NRG3: variants seen among roughly 807,000 people sequenced by gnomAD.
NRG3 encodes the protein neuregulin 3, also known as pro-neuregulin-3, membrane-bound isoform.
A neutral mutation model predicts 66.9 loss-of-function variants in NRG3; 31 were observed. That is an observed-to-expected ratio of 0.46 (90% CI 0.35 to 0.63). The LOEUF (loss-of-function observed/expected upper bound fraction) is 0.63. Ranked by LOEUF, NRG3 falls within the 20% of genes least tolerant of loss-of-function variation. The pLI is 0.00. For missense variants in NRG3, 910 were observed against 878.9 expected, an observed-to-expected ratio of 1.04 and a Z score of -0.45; for synonymous variants, 393 against 359.4, an observed-to-expected ratio of 1.09 and a Z score of -1.06.
chr10:82,876,235 T>A (rs1841807772), intron 4 of NRG3, among the ~76,000 whole-genome samples: 1 of 151,850 alleles, frequency 6.6e-6, no homozygotes, highest in Non-Finnish European at 1.5e-5. Flanking sequence ...GTTAAATAAC[T>A]AGATTGGAAG....
chr10:82,173,811 A>G (rs1337555333), intron 1 of NRG3, among the ~76,000 whole-genome samples: 1 of 152,028 alleles, frequency 6.6e-6, no homozygotes, highest in Non-Finnish European at 1.5e-5. Flanking sequence ...AGACTCAGAA[A>G]CATAGACCCT....
At chr10:82,209,134 A>G (rs945784491) in intron 1 of NRG3, among the ~76,000 whole-genome samples, 6 of 152,198 alleles carry the variant, frequency 3.9e-5, no homozygotes, top group Non-Finnish European at 8.8e-5. Context: ...TACAAGTTGA[A>G]CATTGTAGCA....
intron 4 of NRG3, among the ~76,000 whole-genome samples, chr10:82,909,228 A>T (rs1845078585): frequency 6.6e-6 from 1 of 152,224 alleles, no homozygotes; most frequent in African/African-American, 2.4e-5. Flanking sequence ...TATTTCTGTC[A>T]CAATTATTAC....
chr10:81,985,900 A>G (rs1287730411), intron 1 of NRG3, among the ~76,000 whole-genome samples: 1 of 152,216 alleles, frequency 6.6e-6, no homozygotes, highest in Non-Finnish European at 1.5e-5. Context: ...ATTTGCATAA[A>G]TCTGTATCAG....
chr10:82,163,455 C>T (rs564475280), intron 1 of NRG3, among the ~76,000 whole-genome samples: 1 of 152,252 alleles, frequency 6.6e-6, no homozygotes, highest in South Asian at 2.1e-4. Context: ...ATACCAACTA[C>T]AATATTGTAA....
intron 1 of NRG3, among the ~76,000 whole-genome samples, chr10:82,308,515 A>T (rs1298134581): frequency 1.3e-5 from 2 of 152,048 alleles, no homozygotes; most frequent in East Asian, 3.9e-4. Flanking sequence ...GAATATGCAG[A>T]TTGGAATTGT....
At chr10:82,403,158 T>C (rs1233194542) in intron 2 of NRG3, among the ~76,000 whole-genome samples, 3 of 152,232 alleles carry the variant, frequency 2.0e-5, no homozygotes, top group East Asian at 3.9e-4. Context: ...CAGAGGAGCT[T>C]CCATGGGACT....
chr10:82,393,896 T>G (rs2086549355), intron 2 of NRG3, among the ~76,000 whole-genome samples: 1 of 152,206 alleles, frequency 6.6e-6, no homozygotes, highest in Non-Finnish European at 1.5e-5. Context: ...TTTATTCCCT[T>G]TATTGTATGC....
intron 1 of NRG3, 116 bp from the exon 2 acceptor site, chr10:82,358,623 C>A: frequency 1.4e-6 from 2 of 1,420,028 alleles, no homozygotes; most frequent in Non-Finnish European, 9.7e-7. Flanking sequence ...TGTCTAGAGT[C>A]CCAGAGGTCA....
chr10:82,643,475 A>G (rs1052551029), intron 2 of NRG3, among the ~76,000 whole-genome samples: 12 of 152,012 alleles, frequency 7.9e-5, no homozygotes, highest in Admixed American at 3.3e-4. Flanking sequence ...AGGCTCGGGT[A>G]TGTATTTATC....
At chr10:82,276,184 C>A (rs556707354) in intron 1 of NRG3, among the ~76,000 whole-genome samples, 2 of 152,012 alleles carry the variant, frequency 1.3e-5, no homozygotes, top group East Asian at 1.9e-4. Context: ...GAGTAATTGT[C>A]CTGAATTCCT....
At chr10:82,129,728 T>A (rs1444485464) in intron 1 of NRG3, among the ~76,000 whole-genome samples, 2 of 151,926 alleles carry the variant, frequency 1.3e-5, no homozygotes, top group Non-Finnish European at 2.9e-5. Flanking sequence ...GCCCGGCTAA[T>A]TTTTGTATTT....
At chr10:82,866,936 A>T (rs919919369) in intron 4 of NRG3, among the ~76,000 whole-genome samples, 5 of 152,176 alleles carry the variant, frequency 3.3e-5, no homozygotes, top group Non-Finnish European at 7.4e-5. Context: ...TGTCTAATGG[A>T]TATTCCAGTT....
chr10:82,426,266 G>A (rs372240694), intron 2 of NRG3, among the ~76,000 whole-genome samples: 6 of 152,070 alleles, frequency 3.9e-5, no homozygotes, highest in East Asian at 1.9e-4. Context: ...GAGGGCTCCC[G>A]CTAAAGCTGG....
intron 1 of NRG3, among the ~76,000 whole-genome samples, chr10:81,928,427 A>C (rs905679154): frequency 1.3e-5 from 2 of 152,236 alleles, no homozygotes; most frequent in African/African-American, 4.8e-5. Context: ...TTGGGTCTTA[A>C]AAACCTCAAA....
intron 1 of NRG3, among the ~76,000 whole-genome samples, chr10:82,070,350 A>G (rs950071361): frequency 6.6e-6 from 1 of 152,180 alleles, no homozygotes; most frequent in African/African-American, 2.4e-5. Context: ...GAGGAGGGAA[A>G]GAAGATATTT....
At chr10:82,584,541 T>C (rs563115547) in intron 2 of NRG3, among the ~76,000 whole-genome samples, 13 of 152,322 alleles carry the variant, frequency 8.5e-5, no homozygotes, top group African/African-American at 2.9e-4. Context: ...AGTAAAACCT[T>C]ACTTTGAAAA....
intron 4 of NRG3, among the ~76,000 whole-genome samples, chr10:82,869,462 T>C (rs557834304): frequency 6.6e-6 from 1 of 152,288 alleles, no homozygotes; most frequent in Non-Finnish European, 1.5e-5. Flanking sequence ...CATATTATGA[T>C]ATGTATCCAT....
At chr10:82,098,054 T>TATACACACAC (rs757078526) in intron 1 of NRG3, among the ~76,000 whole-genome samples, 25 of 146,798 alleles carry the variant, frequency 1.7e-4, no homozygotes, top group African/African-American at 5.8e-4. Flanking sequence ...GCCACATATA[T>TATACACACAC]ACACACACAC....
Sources: allele counts gnomAD v4.1 joint callset (sites outside exome capture counted in the v4.1 genomes callset), GRCh38; gene constraint gnomAD v4.1.1; transcripts MANE v1.5; gene names NCBI Gene and HGNC (gene_info 2026-07-23, HGNC 2026-07-21).